APOL6: variants seen among roughly 807,000 people sequenced by gnomAD.
APOL6 encodes the protein apolipoprotein L, 6.
Under a neutral mutation model 2.4 loss-of-function variants are expected in APOL6, and 1 was observed. The observed-to-expected ratio is 0.41, with a 90% CI of 0.15 to 1.94. The LOEUF (loss-of-function observed/expected upper bound fraction) is 1.94. APOL6 is among the 30% of genes most tolerant of loss of function. The pLI, the probability that APOL6 is intolerant of heterozygous loss-of-function variation, is 0.30. For synonymous variants in APOL6, 189 were observed against 169.3 expected, an observed-to-expected ratio of 1.12 and a Z score of -0.90; for missense variants, 438 against 429.2, an observed-to-expected ratio of 1.02 and a Z score of -0.18.
intron 1 of APOL6, among the ~76,000 whole-genome samples, chr22:35,653,965 A>T (rs970443155): frequency 2.6e-5 from 4 of 152,194 alleles, no homozygotes; most frequent in African/African-American, 9.7e-5. Context: ...CTCCCTCCTC[A>T]GTTTCAATAA....
chr22:35,652,760 C>G (rs1450386458), intron 1 of APOL6, among the ~76,000 whole-genome samples: 1 of 151,820 alleles, frequency 6.6e-6, no homozygotes, highest in Non-Finnish European at 1.5e-5. Context: ...GTCTATATCT[C>G]TGTTTTGGTA....
At chr22:35,655,419 C>T (rs1005568291) in intron 1 of APOL6, among the ~76,000 whole-genome samples, 2 of 152,128 alleles carry the variant, frequency 1.3e-5, no homozygotes, top group South Asian at 2.1e-4. Context: ...GAAGAAACCT[C>T]GATTCTGACT....
Position 35,659,661 on chromosome 22 carries a change from G to A in APOL6, c.*65G>A. 5 of 1,495,110 alleles carry A rather than the reference G, an allele frequency of 3.3e-6. No homozygotes were observed. Among genetic ancestry groups the A allele is most frequent in the Non-Finnish European group, 4.5e-6 (5 of 1,120,346 alleles). 92.6% of individuals were successfully genotyped at this position (1,495,110 alleles called of 1,614,324 possible). A position where few individuals can be genotyped will look rare whatever the true frequency, so the allele number is the denominator to read the frequency against. On this transcript the variant is annotated 3_prime_UTR_variant, in exon 3 of 3. Coordinates refer to ENST00000409652, the MANE Select transcript of APOL6 (RefSeq NM_030641.4). Reference sequence around the variant, plus strand: ...CAAATAATATCAAGTACATCTTGGAGATGAGGGTGCCTGTCCTGGACAGAC... The same window carrying A: ...CAAATAATATCAAGTACATCTTGGAAATGAGGGTGCCTGTCCTGGACAGAC...
chr22:35,656,322 A>G, intron 1 of APOL6, 57 bp from the exon 2 acceptor site: 1 of 1,367,506 alleles, frequency 7.3e-7, no homozygotes, highest in African/African-American at 1.4e-5. Context: ...CCACACCTGA[A>G]TTTCATAAGG....
chr22:35,658,297 T>G (rs1409051341), intron 2 of APOL6, among the ~76,000 whole-genome samples: 1 of 152,182 alleles, frequency 6.6e-6, no homozygotes, highest in Non-Finnish European at 1.5e-5. Context: ...GCCCCTCCTC[T>G]GCAGCAGTGC....
intron 1 of APOL6, among the ~76,000 whole-genome samples, chr22:35,654,272 C>T (rs1260555659): frequency 6.6e-6 from 1 of 152,142 alleles, no homozygotes; most frequent in Admixed American, 6.5e-5. Context: ...AATCTCCCGT[C>T]TCTCTCCTCT....
intron 1 of APOL6, among the ~76,000 whole-genome samples, 160 bp from the exon 2 acceptor site, chr22:35,656,219 C>T (rs929013538): frequency 1.2e-4 from 19 of 152,156 alleles, no homozygotes; most frequent in African/African-American, 4.6e-4. Flanking sequence ...TGTATGTAAG[C>T]TACACCTCAA....
At position 35,666,273 on chromosome 22, in the gene APOL6, A is replaced by G. The variant is rs1925179503; in HGVS notation, c.*6677A>G. 1 of 151,658 alleles carries G rather than the reference A, an allele frequency of 6.6e-6. No individual in the cohort carries two copies. Among genetic ancestry groups the G allele is most frequent in the Admixed American group, 6.6e-5 (1 of 15,194 alleles). 9.4% of individuals were successfully genotyped at this position (151,658 alleles called of 1,614,324 possible). A position where few individuals can be genotyped will look rare whatever the true frequency, so the allele number is the denominator to read the frequency against. On this transcript the variant is annotated 3_prime_UTR_variant, in exon 3 of 3. Transcript: ENST00000409652. ...TGTTTTGGTCCTCTTTTTTAAATAT[A>G]TTTTTATTATTATTTTTGAGATGGG...
chr22:35,657,176 C>T (rs574474857), intron 2 of APOL6, among the ~76,000 whole-genome samples: 3 of 152,300 alleles, frequency 2.0e-5, no homozygotes, highest in Admixed American at 2.0e-4. Context: ...TATCTATTTG[C>T]TGTTTCTTTT....
intron 1 of APOL6, among the ~76,000 whole-genome samples, chr22:35,649,764 C>T (rs557166447): frequency 2.0e-5 from 3 of 152,080 alleles, no homozygotes; most frequent in African/African-American, 4.8e-5. Flanking sequence ...GAGGTATTGG[C>T]GGACGCTGGT....
chr22:35,653,573 A>G (rs1924757275), intron 1 of APOL6, among the ~76,000 whole-genome samples: 1 of 152,180 alleles, frequency 6.6e-6, no homozygotes, highest in African/African-American at 2.4e-5. Flanking sequence ...ATACGTGGCA[A>G]GGACCTTCTT....
intron 1 of APOL6, among the ~76,000 whole-genome samples, chr22:35,649,802 C>G (rs921968578): frequency 2.0e-5 from 3 of 152,168 alleles, no homozygotes; most frequent in African/African-American, 7.2e-5. Context: ...ACCAGAGTCT[C>G]TTACCCCCAG....
chr22:35,657,758 C>T (rs1023603025), intron 2 of APOL6, among the ~76,000 whole-genome samples: 7 of 152,200 alleles, frequency 4.6e-5, no homozygotes, highest in Admixed American at 2.0e-4. Flanking sequence ...CAGGCCTCCT[C>T]GGCTCACCCT....
In APOL6 at chr22:35,657,319, C is replaced by T. The variant is rs182317173; in HGVS notation, c.50+844C>T. Among the ~76,000 whole-genome samples, 68 of 152,274 alleles carry T rather than the reference C, an allele frequency of 4.5e-4. 1 individual carries two copies. The highest frequency in any genetic ancestry group is 8.5e-4 in the Non-Finnish European group (58 of 68,016). On this transcript the variant is annotated intron_variant, in intron 2 of 2. Coordinates refer to ENST00000409652, the MANE Select transcript of APOL6 (RefSeq NM_030641.4). ...CCTTCCCCATTGCAAGCCCTGGTGA[C>T]CTTCTGCTCTGTTAACTGATTTACA...
rs1357532075 is a variant in APOL6 at position 35,663,099 on chromosome 22, T to C, written c.*3503T>C. ...ATAATTTGTGTGACCATTGTTAGTTTTGCTTAACTGTTTTGTTGTTTGTTT... is the reference window on the plus strand; with the variant it reads ...ATAATTTGTGTGACCATTGTTAGTTCTGCTTAACTGTTTTGTTGTTTGTTT... On this transcript the variant is annotated 3_prime_UTR_variant, in exon 3 of 3. Coordinates refer to ENST00000409652, the MANE Select transcript of APOL6 (RefSeq NM_030641.4). The C allele has an allele frequency of 1.3e-5, 2 of 152,254 alleles. No individual in the cohort carries two copies. The highest frequency in any genetic ancestry group is 2.4e-5 in the African/African-American group (1 of 41,466). The allele number at this position is 152,254 out of a possible 1,614,324, so 9.4% of individuals were successfully genotyped here.
rs1925152410 is a variant in APOL6, at chr22:35,665,502, A to G, written c.*5906A>G. Reference sequence around the variant, plus strand: ...AAGATCCAGTAAGTTCAGTTTCTCTATGAACTAATCATTCAAGTCAAAGGC... The same window carrying G: ...AAGATCCAGTAAGTTCAGTTTCTCTGTGAACTAATCATTCAAGTCAAAGGC... On this transcript the variant is annotated 3_prime_UTR_variant, in exon 3 of 3. Transcript: ENST00000409652. The G allele has an allele frequency of 6.6e-6, 1 of 152,228 alleles. No homozygotes were observed. The highest frequency in any genetic ancestry group is 1.5e-5 in the Non-Finnish European group (1 of 68,036). The allele number at this position is 152,228 out of a possible 1,614,324, so 9.4% of individuals were successfully genotyped here.
At chr22:35,649,735 C>G (rs1924639900) in intron 1 of APOL6, among the ~76,000 whole-genome samples, 1 of 151,672 alleles carries the variant, frequency 6.6e-6, no homozygotes, top group Non-Finnish European at 1.5e-5. Flanking sequence ...TCCCATAGGA[C>G]TAATGTAAAA....
chr22:35,658,731 A>G lies in APOL6; in HGVS notation c.167A>G (p.Asn56Ser). The G allele has an allele frequency of 6.2e-7, 1 of 1,614,202 alleles. No individual in the cohort carries two copies. Among genetic ancestry groups the G allele is most frequent in the Middle Eastern group, 1.7e-4 (1 of 6,060 alleles). Residue 56 changes from asparagine to serine, a missense_variant, in exon 3 of 3, where the codon AAC becomes AGC. Asn to Ser is a conservative substitution (Grantham distance 46). Coordinates refer to ENST00000409652, the MANE Select transcript of APOL6 (RefSeq NM_030641.4). ...FPRLKEDLKG[N>S]IDKLRALADD... ...AGATTGAAAGAAGATCTGAAAGGGAACATTGACAAGCTCCGTGCCCTCGCA... is the reference window on the plus strand; with the variant it reads ...AGATTGAAAGAAGATCTGAAAGGGAGCATTGACAAGCTCCGTGCCCTCGCA...
intron 2 of APOL6, among the ~76,000 whole-genome samples, chr22:35,656,972 G>A (rs1924862572): frequency 6.6e-6 from 1 of 152,204 alleles, no homozygotes; most frequent in South Asian, 2.1e-4. Flanking sequence ...TCATGGAACT[G>A]GACTGAAATG....
Sources: allele counts gnomAD v4.1 joint callset (sites outside exome capture counted in the v4.1 genomes callset), GRCh38; gene constraint gnomAD v4.1.1; transcripts MANE v1.5; gene names NCBI Gene and HGNC (gene_info 2026-07-23, HGNC 2026-07-21).